Variants in RNF220 observed in about 807,000 individuals in gnomAD.
RNF220 encodes the protein ring finger protein 220, also known as E3 ubiquitin-protein ligase RNF220.
Under a neutral mutation model 67.1 loss-of-function variants are expected in RNF220, and 7 were observed. The ratio of observed to expected loss-of-function variants is 0.10; its 90% CI spans 0.06 to 0.20. RNF220 has a LOEUF of 0.20. Among genes scored for constraint, RNF220 ranks in the 10% least tolerant of loss-of-function variants. The pLI is 1.00. For synonymous variants in RNF220, 270 were observed against 283.2 expected (o/e 0.95, Z 0.47); for missense variants, 565 against 740.3 (o/e 0.76, Z 2.75).
rs146300790 is a variant in RNF220, at chr1:44,495,571, G to T, written c.625+82849G>T. Among the ~76,000 whole-genome samples the T allele has an allele frequency of 2.2e-3, 331 of 152,290 alleles. 2 individuals carry two copies. The highest frequency in any genetic ancestry group is 7.7e-3 in the African/African-American group (321 of 41,566). ...AAAAAATGAATAAAAGTTAGCCAGG[G>T]ATTACAGGTGTGCGCCACCATGTCC... On this transcript the variant is annotated intron_variant, in intron 2 of 14. Transcript: ENST00000361799.
In RNF220 at chr1:44,417,267, G is replaced by C. The variant is rs911501548; in HGVS notation, c.625+4545G>C. Among the ~76,000 whole-genome samples the C allele has an allele frequency of 3.9e-5, 6 of 152,162 alleles. No homozygotes were observed. The highest frequency in any genetic ancestry group is 2.1e-4 in the South Asian group (1 of 4,826). The stretch of plus-strand genomic sequence containing the variant: ...GCTCCCGGGTTCTCCCCTACTCCCC[G>C]GGGGCAAGAACTCCTGTGATGTGTG... On this transcript the variant is annotated intron_variant, in intron 2 of 14. Coordinates refer to ENST00000361799, the MANE Select transcript of RNF220 (RefSeq NM_018150.4). This position sits in a 1 kb window ranked among gnomAD's most constrained non-coding sequence, Gnocchi z 4.0.
At chr1:44,569,896 A>G (rs879734755) in intron 2 of RNF220, among the ~76,000 whole-genome samples, 1 of 152,166 alleles carries the variant, frequency 6.6e-6, no homozygotes, top group Admixed American at 6.5e-5. Flanking sequence ...ATAGTCTGAA[A>G]GGGGTAGCAG....
intron 2 of RNF220, among the ~76,000 whole-genome samples, chr1:44,476,641 A>G (rs1356284215): frequency 2.6e-5 from 4 of 152,200 alleles, no homozygotes; most frequent in African/African-American, 4.8e-5. Flanking sequence ...TTGGGGCAGC[A>G]AATACTACAG....
intron 8 of RNF220, among the ~76,000 whole-genome samples, chr1:44,640,948 T>C (rs1361394444): frequency 6.6e-6 from 1 of 152,146 alleles, no homozygotes; most frequent in Admixed American, 6.5e-5. Flanking sequence ...ATGCCTCCTT[T>C]TTTGTGGTTT....
intron 5 of RNF220, chr1:44,632,046 C>T (rs1644150856): frequency 3.7e-6 from 4 of 1,090,448 alleles, no homozygotes; most frequent in Non-Finnish European, 3.4e-6. Flanking sequence ...CCGCCCGCAT[C>T]GCCGCCCTCG....
intron 12 of RNF220, among the ~76,000 whole-genome samples, chr1:44,646,441 C>T (rs1644650255): frequency 2.0e-5 from 3 of 152,276 alleles, no homozygotes; most frequent in South Asian, 4.1e-4. Flanking sequence ...CATGAATCAC[C>T]GCAGCTGCTC....
At chr1:44,604,294 T>A (rs1346232420) in intron 2 of RNF220, among the ~76,000 whole-genome samples, 1 of 152,216 alleles carries the variant, frequency 6.6e-6, no homozygotes, top group Non-Finnish European at 1.5e-5. Flanking sequence ...GGCCCTTCAC[T>A]GTAGTCTGTG....
At position 44,650,082 on chromosome 1, in the gene RNF220, CCAGGATATTTACCCG is replaced by C. The variant is rs1644750926; in HGVS notation, c.1629+140_1629+154del. The C allele has an allele frequency of 8.9e-6, 9 of 1,015,274 alleles. No individual in the cohort carries two copies. The highest frequency in any genetic ancestry group is 2.5e-5 in the East Asian group (1 of 40,238). The allele number at this position is 1,015,274 out of a possible 1,614,324, so 62.9% of individuals were successfully genotyped here. On this transcript the variant is annotated intron_variant, in intron 14 of 14. Coordinates refer to ENST00000361799, the MANE Select transcript of RNF220 (RefSeq NM_018150.4). The surrounding 1 kb of genome is among the most constrained non-coding windows in gnomAD (Gnocchi z 4.3). Reference sequence around the variant, plus strand: ...GCGCAAAGGAGAACAGAGCCAGGAGCCAGGATATTTACCCGCAGGATATTTACCCCCAGGCTCGCT... The same window carrying C: ...GCGCAAAGGAGAACAGAGCCAGGAGCCAGGATATTTACCCCCAGGCTCGCT...
intron 2 of RNF220, among the ~76,000 whole-genome samples, chr1:44,509,502 A>T (rs1658751866): frequency 6.6e-6 from 1 of 151,384 alleles, no homozygotes; most frequent in South Asian, 2.1e-4. Context: ...GTGAGCTGAG[A>T]TCATGCCACT....
chr1:44,629,403 G>A (rs1441470913), intron 5 of RNF220, among the ~76,000 whole-genome samples: 4 of 152,222 alleles, frequency 2.6e-5, no homozygotes, highest in Non-Finnish European at 5.9e-5. Context: ...CCAAGGCAAG[G>A]ACCTTGTCTT....
intron 2 of RNF220, among the ~76,000 whole-genome samples, chr1:44,470,592 A>G (rs997138256): frequency 6.6e-6 from 1 of 152,056 alleles, no homozygotes; most frequent in Non-Finnish European, 1.5e-5. Flanking sequence ...CATTTGTTGG[A>G]TGGAATGATC....
At chr1:44,563,074 C>T (rs1663710313) in intron 2 of RNF220, among the ~76,000 whole-genome samples, 1 of 152,132 alleles carries the variant, frequency 6.6e-6, no homozygotes, top group African/African-American at 2.4e-5. Flanking sequence ...TGGTGGGAAC[C>T]CAGAGGGGGA....
intron 1 of RNF220, among the ~76,000 whole-genome samples, chr1:44,409,272 TGTTGG>T (rs1647728741): frequency 2.0e-5 from 3 of 150,038 alleles, no homozygotes; most frequent in African/African-American, 7.6e-5. Flanking sequence ...ACTCAATATT[TGTTGG>T]TCCCTCCGTC....
At chr1:44,490,924 T>TA (rs987467058) in intron 2 of RNF220, among the ~76,000 whole-genome samples, 3 of 151,570 alleles carry the variant, frequency 2.0e-5, no homozygotes, top group Non-Finnish European at 4.4e-5. Flanking sequence ...CTTACAGAAA[T>TA]AAAAAAAGCA....
At chr1:44,609,683 C>G (rs569614054) in intron 2 of RNF220, among the ~76,000 whole-genome samples, 1 of 152,120 alleles carries the variant, frequency 6.6e-6, no homozygotes, top group Non-Finnish European at 1.5e-5. Context: ...TGTTTCGAGG[C>G]GAGAGGGCTG....
intron 2 of RNF220, among the ~76,000 whole-genome samples, chr1:44,465,264 A>G (rs1435571725): frequency 1.3e-5 from 2 of 152,118 alleles, no homozygotes; most frequent in Non-Finnish European, 2.9e-5. Flanking sequence ...CTGAATCTAG[A>G]TTAACTAAAG....
At chr1:44,549,369 G>A (rs931472765) in intron 2 of RNF220, among the ~76,000 whole-genome samples, 11 of 152,170 alleles carry the variant, frequency 7.2e-5, no homozygotes, top group Non-Finnish European at 1.5e-4. Flanking sequence ...GAGGCAGAGC[G>A]CACATGAGGA....
At chr1:44,429,203 A>G (rs1460809987) in intron 2 of RNF220, among the ~76,000 whole-genome samples, 1 of 152,024 alleles carries the variant, frequency 6.6e-6, no homozygotes, top group African/African-American at 2.4e-5. Context: ...ATGAATAACA[A>G]TTTTGAGCAA....
chr1:44,440,997 C>T (rs1002782694), intron 2 of RNF220, among the ~76,000 whole-genome samples: 22 of 152,160 alleles, frequency 1.4e-4, no homozygotes, highest in Admixed American at 6.5e-5. Context: ...CGCTGGCCTG[C>T]GGAGTCCCAT....
Sources: allele counts gnomAD v4.1 joint callset (sites outside exome capture counted in the v4.1 genomes callset), GRCh38; gene constraint gnomAD v4.1.1; non-coding constraint Gnocchi (gnomAD v3.1); transcripts MANE v1.5; gene names NCBI Gene and HGNC (gene_info 2026-07-23, HGNC 2026-07-21).